Variants in ANTXR1 observed in about 807,000 individuals in gnomAD.
The protein encoded by ANTXR1 is anthrax toxin receptor 1.
Under a neutral mutation model 78.1 loss-of-function variants are expected in ANTXR1, and 19 were observed. The observed-to-expected ratio is 0.24, with a 90% CI of 0.17 to 0.36. ANTXR1 has a LOEUF of 0.36. Among genes scored for constraint, ANTXR1 ranks in the 10% least tolerant of loss-of-function variants. The probability of loss-of-function intolerance (pLI) is 1.00; values close to 1 mark genes in which losing one functional copy is unlikely to be tolerated. For missense variants in ANTXR1, 518 were observed against 718.6 expected, an observed-to-expected ratio of 0.72 and a Z score of 3.19; for synonymous variants, 273 against 260.5, an observed-to-expected ratio of 1.05 and a Z score of -0.46.
chr2:69,031,191 A>G (rs556849836), intron 1 of ANTXR1, among the ~76,000 whole-genome samples: 3 of 152,298 alleles, frequency 2.0e-5, no homozygotes, highest in South Asian at 2.1e-4. Context: ...AAATGGGCCA[A>G]AAATATTGAG....
At chr2:69,205,867 A>G (rs1267438422) in intron 17 of ANTXR1, among the ~76,000 whole-genome samples, 2 of 152,176 alleles carry the variant, frequency 1.3e-5, no homozygotes, top group Non-Finnish European at 2.9e-5. Context: ...TATAATTGCT[A>G]TTCATACTTT....
chr2:69,127,229 G>A (rs1156641407), intron 12 of ANTXR1, among the ~76,000 whole-genome samples: 1 of 152,168 alleles, frequency 6.6e-6, no homozygotes, highest in Non-Finnish European at 1.5e-5. Flanking sequence ...GGTTCCAATT[G>A]TAAATAGAGT....
intron 17 of ANTXR1, among the ~76,000 whole-genome samples, chr2:69,228,766 G>A (rs1204976438): frequency 1.3e-5 from 2 of 152,204 alleles, no homozygotes; most frequent in African/African-American, 2.4e-5. Context: ...GTGTGACAAT[G>A]TTGTGGGATA....
chr2:69,140,243 T>C (rs1157947094), intron 12 of ANTXR1, among the ~76,000 whole-genome samples: 1 of 152,222 alleles, frequency 6.6e-6, no homozygotes, highest in African/African-American at 2.4e-5. Flanking sequence ...TAACTGCATA[T>C]TAATGATGGC....
chr2:69,126,523 A>G (rs12466435), intron 12 of ANTXR1, among the ~76,000 whole-genome samples: 22,974 of 152,144 alleles, frequency 0.15, 1,909 homozygotes, highest in African/African-American at 0.2. Context: ...CTCTAAATCA[A>G]ATAACTCCAT....
At chr2:69,182,773 A>AG in intron 16 of ANTXR1, 113 bp downstream of exon 16, 1 of 1,350,542 alleles carries the variant, frequency 7.4e-7, no homozygotes, top group Non-Finnish European at 1.0e-6. Flanking sequence ...AGCTTATCAC[A>AG]GGGGAACAAT....
intron 17 of ANTXR1, among the ~76,000 whole-genome samples, chr2:69,241,261 G>A (rs947502211): frequency 2.6e-5 from 4 of 152,186 alleles, no homozygotes; most frequent in Non-Finnish European, 5.9e-5. Flanking sequence ...CTACATGACG[G>A]TGAGAACATC....
At chr2:69,095,122 G>A (rs927329478) in intron 9 of ANTXR1, among the ~76,000 whole-genome samples, 2 of 152,142 alleles carry the variant, frequency 1.3e-5, no homozygotes, top group African/African-American at 4.8e-5. Context: ...TAGGCGAAGA[G>A]GTAATGGATC....
intron 17 of ANTXR1, among the ~76,000 whole-genome samples, chr2:69,197,150 C>G (rs1261795073): frequency 1.3e-5 from 2 of 152,196 alleles, no homozygotes; most frequent in Non-Finnish European, 2.9e-5. Context: ...TGGAGCCCAC[C>G]AGGAAATGCT....
At chr2:69,065,419 C>T (rs1426981638) in intron 3 of ANTXR1, among the ~76,000 whole-genome samples, 4 of 87,514 alleles carry the variant, frequency 4.6e-5, no homozygotes, top group African/African-American at 2.8e-4. Context: ...AGCAAGACTC[C>T]GTCTCAAAAA....
intron 4 of ANTXR1, among the ~76,000 whole-genome samples, chr2:69,071,423 A>C (rs1238913943): frequency 6.6e-6 from 1 of 152,220 alleles, no homozygotes; most frequent in African/African-American, 2.4e-5. Flanking sequence ...TAGAAATGGT[A>C]ATGCATTGAA....
chr2:69,201,747 T>C (rs148846822), intron 17 of ANTXR1, among the ~76,000 whole-genome samples: 2 of 152,268 alleles, frequency 1.3e-5, no homozygotes, highest in Non-Finnish European at 2.9e-5. Flanking sequence ...CAAGCGACAT[T>C]GCTGACTGTG....
At chr2:69,127,121 T>C (rs560268138) in intron 12 of ANTXR1, among the ~76,000 whole-genome samples, 4 of 152,150 alleles carry the variant, frequency 2.6e-5, no homozygotes, top group Non-Finnish European at 5.9e-5. Flanking sequence ...CAATGAGTTA[T>C]AAACATAGTA....
chr2:69,124,423 A>C (rs2104379819), intron 11 of ANTXR1, 142 bp from the exon 12 acceptor site: 1 of 758,188 alleles, frequency 1.3e-6, no homozygotes, highest in South Asian at 1.5e-5. Flanking sequence ...GAGGAAACTC[A>C]GACCCCTCCT....
At chr2:69,016,389 T>G (rs1445453521) in intron 1 of ANTXR1, among the ~76,000 whole-genome samples, 1 of 152,122 alleles carries the variant, frequency 6.6e-6, no homozygotes, top group Non-Finnish European at 1.5e-5. Context: ...TTTCATGTCC[T>G]AAAGAAAAAA....
At chr2:69,200,143 T>C (rs1674739743) in intron 17 of ANTXR1, among the ~76,000 whole-genome samples, 1 of 152,216 alleles carries the variant, frequency 6.6e-6, no homozygotes, top group African/African-American at 2.4e-5. Context: ...TGGGTTTGGA[T>C]GTCATCTGTT....
At chr2:69,210,061 T>C (rs2104496765) in intron 17 of ANTXR1, among the ~76,000 whole-genome samples, 1 of 152,314 alleles carries the variant, frequency 6.6e-6, no homozygotes, top group African/African-American at 2.4e-5. Context: ...TAGATGAGTG[T>C]GGACCCAGTA....
intron 9 of ANTXR1, among the ~76,000 whole-genome samples, chr2:69,096,158 T>C (rs949335131): frequency 1.8e-4 from 27 of 151,480 alleles, no homozygotes; most frequent in Admixed American, 3.3e-4. Context: ...CTCGGGAGGC[T>C]GAGGCAGGAG....
At chr2:69,094,700 A>G (rs996887860) in intron 9 of ANTXR1, among the ~76,000 whole-genome samples, 2 of 152,204 alleles carry the variant, frequency 1.3e-5, no homozygotes, top group Admixed American at 6.5e-5. Context: ...GCTCAACACC[A>G]GCAATGGTTC....
Sources: gnomAD v4.1 joint callset for allele counts (sites outside exome capture counted in the v4.1 genomes callset) on GRCh38, gnomAD v4.1.1 for gene constraint, MANE v1.5 for transcripts, NCBI Gene and HGNC (gene_info 2026-07-23, HGNC 2026-07-21) for gene names.